Variants in ADPRM observed in about 807,000 individuals in gnomAD.
ADPRM encodes the protein ADP-ribose/CDP-alcohol diphosphatase, manganese dependent.
A neutral mutation model predicts 27.2 loss-of-function variants in ADPRM; 17 were observed. The observed-to-expected ratio is 0.63, with a 90% CI of 0.43 to 0.94. ADPRM has a LOEUF of 0.94. Among genes scored for constraint, ADPRM ranks in the 40% least tolerant of loss-of-function variants. ADPRM has a pLI of 0.00. For synonymous variants in ADPRM, 135 were observed against 145.3 expected, an observed-to-expected ratio of 0.93 and a Z score of 0.51; for missense variants, 337 against 412.8, an observed-to-expected ratio of 0.82 and a Z score of 1.59.
At chr17:10,710,133 G>T (rs149142114) in intron 3 of ADPRM, among the ~76,000 whole-genome samples, 1 of 152,126 alleles carries the variant, frequency 6.6e-6, no homozygotes, top group African/African-American at 2.4e-5. Flanking sequence ...ATGGAGTCTC[G>T]CTTTGTCACC....
At position 10,711,018 on chromosome 17, in the gene ADPRM, A is replaced by C; in HGVS notation, c.903A>C (p.Glu301Asp). ...VYHVNLEGVI[E>D]TAPDSQAFGT... Reference sequence around the variant, plus strand: ...ACGTCAACCTAGAAGGAGTTATTGAAACAGCTCCAGACAGCCAAGCCTTTG... The same window carrying C: ...ACGTCAACCTAGAAGGAGTTATTGACACAGCTCCAGACAGCCAAGCCTTTG... Residue 301 changes from glutamate (E) to aspartate (D), a missense_variant, in exon 4 of 4, where the codon GAA becomes GAC. Physicochemically the swap from Glu to Asp is conservative, Grantham distance 45. Coordinates refer to ENST00000379774, the MANE Select transcript of ADPRM (RefSeq NM_020233.5). The C allele has an allele frequency of 6.2e-7, 1 of 1,614,164 alleles. No individual in the cohort carries two copies. Among genetic ancestry groups the C allele is most frequent in the Non-Finnish European group, 8.5e-7 (1 of 1,180,022 alleles).
intron 3 of ADPRM, among the ~76,000 whole-genome samples, chr17:10,708,429 CA>C (rs1206878055): frequency 4.6e-3 from 141 of 30,578 alleles, no homozygotes; most frequent in South Asian, 0.026. Context: ...AACTCCGTCT[CA>C]AAAAAAAAAA....
intron 1 of ADPRM, among the ~76,000 whole-genome samples, chr17:10,701,628 C>T (rs1302437677): frequency 6.6e-6 from 1 of 152,156 alleles, no homozygotes; most frequent in Non-Finnish European, 1.5e-5. Flanking sequence ...CACGCCTGGC[C>T]TATATGTACA....
chr17:10,710,617 G>A (rs573951184), intron 3 of ADPRM, among the ~76,000 whole-genome samples: 2 of 152,106 alleles, frequency 1.3e-5, no homozygotes, highest in African/African-American at 2.4e-5. Context: ...AGCCTGTCGC[G>A]CCTCATGTGA....
chr17:10,704,846 T>C (rs1475550522), intron 1 of ADPRM, 64 bp from the exon 2 acceptor site: 3 of 1,328,306 alleles, frequency 2.3e-6, no homozygotes, highest in Non-Finnish European at 3.1e-6. Flanking sequence ...TTTATCATTT[T>C]CTTAAGTGAA....
At position 10,711,506 on chromosome 17, in the gene ADPRM, C is replaced by CT. The variant is rs1451511606; in HGVS notation, c.*367dup. ...AGTTCAGCATATAAGCTCAGGTAAG[C>CT]TTTTTCTATTCACCCTGCTGTGTAA... On this transcript the variant is annotated 3_prime_UTR_variant, in exon 4 of 4. Coordinates refer to ENST00000379774, the MANE Select transcript of ADPRM (RefSeq NM_020233.5). Among the ~76,000 whole-genome samples the CT allele has an allele frequency of 3.9e-5, 6 of 152,148 alleles. No homozygotes were observed. The highest frequency in any genetic ancestry group is 1.4e-4 in the African/African-American group (6 of 41,414).
chr17:10,702,535 T>C lies in ADPRM; in HGVS notation c.-17-2375T>C, dbSNP rs949754438. On this transcript the variant is annotated intron_variant, in intron 1 of 3. Coordinates refer to ENST00000379774, the MANE Select transcript of ADPRM (RefSeq NM_020233.5). This position sits in a 1 kb window ranked among gnomAD's most constrained non-coding sequence, Gnocchi z 4.2. Reference sequence around the variant, plus strand: ...TTCAGAAATCTCCATCTTTCCATCATTCAGAATTGTTTCTTTCTATGTTGG... The same window carrying C: ...TTCAGAAATCTCCATCTTTCCATCACTCAGAATTGTTTCTTTCTATGTTGG... Among the ~76,000 whole-genome samples the C allele has an allele frequency of 6.6e-6, 1 of 152,240 alleles. No individual in the cohort carries two copies. Among genetic ancestry groups the C allele is most frequent in the Non-Finnish European group, 1.5e-5 (1 of 68,038 alleles).
chr17:10,704,499 A>C (rs1023686710), intron 1 of ADPRM, among the ~76,000 whole-genome samples: 1 of 152,022 alleles, frequency 6.6e-6, no homozygotes, highest in Non-Finnish European at 1.5e-5. Context: ...AAAAAAAAAA[A>C]AAAAAAAACT....
rs567318059 is a variant in ADPRM, at chr17:10,698,442, C to T, written c.-18+775C>T. ...ATATCCGCAATATTAACCACTCCCT[C>T]CCCGCCCCTACCTCGGTGGTTGCTT... On this transcript the variant is annotated intron_variant, in intron 1 of 3. Coordinates refer to ENST00000379774, the MANE Select transcript of ADPRM (RefSeq NM_020233.5). 6.6e-5 allele frequency: 10 copies of T among 152,254 alleles called. No individual in the cohort carries two copies. In the East Asian group the frequency reaches 1.9e-3, roughly 29 times the overall value. 9.4% of individuals were successfully genotyped at this position (152,254 alleles called of 1,614,324 possible).
At chr17:10,704,732 G>A (rs560997737) in intron 1 of ADPRM, among the ~76,000 whole-genome samples, 178 bp from the exon 2 acceptor site, 32 of 152,308 alleles carry the variant, frequency 2.1e-4, no homozygotes, top group African/African-American at 7.5e-4. Context: ...GAGAAAGCAA[G>A]TGTTTTAGAG....
chr17:10,701,000 T>C (rs904720081), intron 1 of ADPRM, among the ~76,000 whole-genome samples: 1 of 152,230 alleles, frequency 6.6e-6, no homozygotes, highest in Non-Finnish European at 1.5e-5. Context: ...CTTTATGGTT[T>C]AGAGATTTAC....
At chr17:10,706,266 G>A (rs2074811847) in intron 2 of ADPRM, among the ~76,000 whole-genome samples, 172 bp from the exon 3 acceptor site, 2 of 152,112 alleles carry the variant, frequency 1.3e-5, no homozygotes, top group South Asian at 2.1e-4. Context: ...GAGATGCAGT[G>A]TGATATATAT....
At position 10,706,412 on chromosome 17, in the gene ADPRM, G is replaced by A. The variant is rs201284383; in HGVS notation, c.602-26G>A. On this transcript the variant is annotated intron_variant, in intron 2 of 3. Transcript: ENST00000379774. Reference sequence around the variant, plus strand: ...AAATGAGGGGAAAAATGACTTGATGGGGCTAACTTACTGAATTCATTTCAG... The same window carrying A: ...AAATGAGGGGAAAAATGACTTGATGAGGCTAACTTACTGAATTCATTTCAG... The A allele has an allele frequency of 1.3e-4, 195 of 1,513,994 alleles. No individual in the cohort carries two copies. The East Asian group carries it at 4.4e-3, about 34-fold the overall frequency. The allele number at this position is 1,513,994 out of a possible 1,614,324, so 93.8% of individuals were successfully genotyped here.
chr17:10,704,195 A>G (rs963422365), intron 1 of ADPRM, among the ~76,000 whole-genome samples: 8 of 137,964 alleles, frequency 5.8e-5, no homozygotes, highest in Non-Finnish European at 8.8e-5. Flanking sequence ...AACAAAAACC[A>G]CAAACAAAGC....
Position 10,697,664 on chromosome 17 carries a change from C to T in ADPRM, c.-21C>T. On this transcript the variant is annotated 5_prime_UTR_variant, in exon 1 of 4. Coordinates refer to ENST00000379774, the MANE Select transcript of ADPRM (RefSeq NM_020233.5). ...AGGCCTTTCAGCCCAGGGGCCGGCG[C>T]ACGGTAGGTAGTTCCCTGCGGCTGG... is the stretch of plus-strand genomic sequence containing the variant. 4.3e-6 allele frequency: 4 copies of T among 919,742 alleles called. No individual in the cohort carries two copies. The highest frequency in any genetic ancestry group is 2.6e-5 in the East Asian group (1 of 37,982). The allele number at this position is 919,742 out of a possible 1,614,324, so 57.0% of individuals were successfully genotyped here. A position where few individuals can be genotyped will look rare whatever the true frequency, so the allele number is the denominator to read the frequency against.
chr17:10,709,414 C>G (rs758986587), intron 3 of ADPRM, among the ~76,000 whole-genome samples: 7 of 152,086 alleles, frequency 4.6e-5, no homozygotes, highest in Non-Finnish European at 1.0e-4. Flanking sequence ...CCAGTGCATT[C>G]AGTATAAATA....
At chr17:10,710,462 A>G (rs1487922323) in intron 3 of ADPRM, among the ~76,000 whole-genome samples, 3 of 152,200 alleles carry the variant, frequency 2.0e-5, no homozygotes, top group Non-Finnish European at 2.9e-5. Context: ...AAGGAAATCA[A>G]TTGGATTGGA....
chr17:10,708,735 G>T (rs2074831308), intron 3 of ADPRM, among the ~76,000 whole-genome samples: 2 of 152,160 alleles, frequency 1.3e-5, no homozygotes, highest in Admixed American at 6.5e-5. Context: ...TCCACTCTCA[G>T]CCTGTTCTGG....
intron 1 of ADPRM, among the ~76,000 whole-genome samples, chr17:10,704,651 A>G (rs2520145): frequency 0.059 from 8,998 of 152,204 alleles, 874 homozygotes; most frequent in African/African-American, 0.2. Flanking sequence ...TAGAATGTCT[A>G]TTTATTGATA....
Sources: allele counts gnomAD v4.1 joint callset (sites outside exome capture counted in the v4.1 genomes callset), GRCh38; gene constraint gnomAD v4.1.1; non-coding constraint Gnocchi (gnomAD v3.1); transcripts MANE v1.5; gene names NCBI Gene and HGNC (gene_info 2026-07-23, HGNC 2026-07-21).